Variants in ANAPC7 observed in about 807,000 individuals in gnomAD.
The protein encoded by ANAPC7 is anaphase-promoting complex subunit 7.
ANAPC7 carries 25 observed loss-of-function variants against 63.3 expected under a neutral mutation model. That is an observed-to-expected ratio of 0.39 (90% confidence interval 0.29 to 0.55). The LOEUF is 0.55. ANAPC7 is among the 20% of genes least tolerant of loss of function. The pLI, the probability that ANAPC7 is intolerant of heterozygous loss-of-function variation, is 0.57. For missense variants in ANAPC7, 516 were observed against 691.7 expected, an observed-to-expected ratio of 0.75 and a Z score of 2.85; for synonymous variants, 241 against 251.7, an observed-to-expected ratio of 0.96 and a Z score of 0.40.
Position 110,403,513 on chromosome 12 carries a change from C to A in ANAPC7, c.101+14G>T, listed in dbSNP as rs1446314677. 14 of 1,581,532 alleles carry A rather than the reference C, an allele frequency of 8.9e-6. No individual in the cohort carries two copies. The highest frequency in any genetic ancestry group is 1.1e-5 in the Non-Finnish European group (13 of 1,164,496). On this transcript the variant is annotated intron_variant, in intron 1 of 10. Coordinates refer to ENST00000455511, the MANE Select transcript of ANAPC7 (RefSeq NM_016238.3). ...TTTCTCCTCAGCCCCAGGCAGCTAC[C>A]CGCCTCAACTCACGGGTTGTTATTA...
chr12:110,394,581 A>C (rs1253845819), intron 3 of ANAPC7, among the ~76,000 whole-genome samples: 1 of 144,518 alleles, frequency 6.9e-6, no homozygotes, highest in Non-Finnish European at 1.5e-5. Context: ...GTGAGCCCCC[A>C]TGCTATTGCA....
chr12:110,393,251 T>C (rs1883256666), intron 3 of ANAPC7, among the ~76,000 whole-genome samples: 1 of 152,184 alleles, frequency 6.6e-6, no homozygotes, highest in African/African-American at 2.4e-5. Flanking sequence ...CATTACCAAA[T>C]GTGTACACCT....
In ANAPC7 at chr12:110,388,003, T is replaced by G. The variant is rs186982914; in HGVS notation, c.521-111A>C. 1.2e-4 allele frequency: 131 copies of G among 1,122,408 alleles called. No individual in the cohort carries two copies. The African/African-American group carries it at 1.7e-3, about 15-fold the overall frequency. 69.5% of individuals were successfully genotyped at this position (1,122,408 alleles called of 1,614,324 possible). A position where few individuals can be genotyped will look rare whatever the true frequency, so the allele number is the denominator to read the frequency against. ...GGCTAAAAGGCAACTGCTTCCCTAT[T>G]CTGAGCGATGCATGAGAGAAAAACC... is the stretch of plus-strand genomic sequence containing the variant. On this transcript the variant is annotated intron_variant, in intron 4 of 10. Coordinates refer to ENST00000455511, the MANE Select transcript of ANAPC7 (RefSeq NM_016238.3).
intron 8 of ANAPC7, chr12:110,377,861 A>G: frequency 7.3e-7 from 1 of 1,374,278 alleles, no homozygotes; most frequent in Non-Finnish European, 9.4e-7. Context: ...TTAGGGAAGG[A>G]AACAAGCACA....
intron 9 of ANAPC7, 64 bp from the exon 10 acceptor site, chr12:110,376,280 C>A: frequency 6.3e-7 from 1 of 1,578,858 alleles, no homozygotes; most frequent in Non-Finnish European, 8.6e-7. Flanking sequence ...ACCATTCTGA[C>A]CATCTCTTTG....
intron 5 of ANAPC7, 93 bp from the exon 6 acceptor site, chr12:110,386,562 TC>T: frequency 1.7e-6 from 2 of 1,163,408 alleles, no homozygotes; most frequent in South Asian, 1.6e-5. Context: ...GATACTATTT[TC>T]TTTTGCATAA....
intron 8 of ANAPC7, among the ~76,000 whole-genome samples, chr12:110,380,245 G>C (rs1411262350): frequency 6.6e-6 from 1 of 152,046 alleles, no homozygotes; most frequent in Non-Finnish European, 1.5e-5. Context: ...CAGCTACTCA[G>C]GAGGCTGAAG....
At chr12:110,374,489 G>A (rs1362580431) in intron 10 of ANAPC7, among the ~76,000 whole-genome samples, 156 bp from the exon 11 acceptor site, 4 of 152,154 alleles carry the variant, frequency 2.6e-5, no homozygotes, top group Non-Finnish European at 4.4e-5. Flanking sequence ...CCAAGGCTGG[G>A]TTGAGGGAGT....
chr12:110,382,461 A>AAAAAATATAT (rs1555289541), intron 7 of ANAPC7, among the ~76,000 whole-genome samples: 1 of 30,858 alleles, frequency 3.2e-5, no homozygotes, highest in African/African-American at 1.2e-4. Context: ...AAAAAAAAAA[A>AAAAAATATAT]ATATATATAT....
intron 7 of ANAPC7, among the ~76,000 whole-genome samples, chr12:110,382,461 A>T (rs28610169): frequency 0.29 from 8,287 of 28,686 alleles, 1,448 homozygotes; most frequent in African/African-American, 0.32. Flanking sequence ...AAAAAAAAAA[A>T]ATATATATAT....
chr12:110,397,581 A>G (rs754198690), intron 1 of ANAPC7, among the ~76,000 whole-genome samples: 15 of 151,416 alleles, frequency 9.9e-5, no homozygotes, highest in Non-Finnish European at 1.9e-4. Context: ...AACACTAAAA[A>G]CTAAAGAAAA....
In ANAPC7 at chr12:110,381,954, G is replaced by GGAAA; in HGVS notation, c.936-7_936-6insTTTC. 16 of 975,614 alleles carry GGAAA rather than the reference G, an allele frequency of 1.6e-5. No homozygotes were observed. Among genetic ancestry groups the GGAAA allele is most frequent in the South Asian group, 8.1e-5 (4 of 49,304 alleles). The allele number at this position is 975,614 out of a possible 1,614,324, so 60.4% of individuals were successfully genotyped here. ...TGCTATAGAAGCTGTGACAGCTGGA[G>GGAAA]AAAAAAAAAAAAAAAAAAACACAAA... is the stretch of plus-strand genomic sequence containing the variant. On this transcript the variant is annotated splice_polypyrimidine_tract_variant and splice_region_variant and intron_variant, in intron 7 of 10. Coordinates refer to ENST00000455511, the MANE Select transcript of ANAPC7 (RefSeq NM_016238.3).
intron 3 of ANAPC7, among the ~76,000 whole-genome samples, chr12:110,389,969 A>C (rs535318349): frequency 6.6e-6 from 1 of 152,294 alleles, no homozygotes; most frequent in Admixed American, 6.5e-5. Flanking sequence ...ACAAAAAAAA[A>C]GCCAGAAAAT....
intron 8 of ANAPC7, chr12:110,379,279 T>G (rs1383075462): frequency 1.3e-5 from 2 of 152,216 alleles, no homozygotes; most frequent in Non-Finnish European, 2.9e-5. Context: ...AAAAACAGAA[T>G]GCACTTGCCT....
Position 110,387,263 on chromosome 12 carries a change from G to GAGAGAGAGAGAGAGAGAGAGAC in ANAPC7, c.674+475_674+476insGTCTCTCTCTCTCTCTCTCTCT, listed in dbSNP as rs1882576087. ...ACAGAGAGACAGAGAGACAGAGAGA[G>GAGAGAGAGAGAGAGAGAGAGAC]AGAGAGAGAGAGAGAGAGAGAGACA... On this transcript the variant is annotated intron_variant, in intron 5 of 10. Coordinates refer to ENST00000455511, the MANE Select transcript of ANAPC7 (RefSeq NM_016238.3). The GAGAGAGAGAGAGAGAGAGAGAC allele has an allele frequency of 1.7e-5, 2 of 116,492 alleles. 1 individual carries two copies. The highest frequency in any genetic ancestry group is 3.7e-5 in the Non-Finnish European group (2 of 54,392). 7.2% of individuals were successfully genotyped at this position (116,492 alleles called of 1,614,324 possible).
At chr12:110,382,451 A>ATATATATATATAT (rs1470435018) in intron 7 of ANAPC7, among the ~76,000 whole-genome samples, 2 of 69,578 alleles carry the variant, frequency 2.9e-5, no homozygotes, top group Non-Finnish European at 6.0e-5. Flanking sequence ...TAAAAAAAAA[A>ATATATATATATAT]AAAAAAAAAA....
rs373288136 is a variant in ANAPC7 at position 110,389,318 on chromosome 12, A to G, written c.409-695T>C. ...GAAGATGAACTATCTCACATAAGAA[A>G]GTGAGAAACTCTTGACATAGCTAGT... On this transcript the variant is annotated intron_variant, in intron 3 of 10. Transcript: ENST00000455511. Among the ~76,000 whole-genome samples the G allele has an allele frequency of 5.7e-4, 87 of 152,298 alleles. No homozygotes were observed. In the South Asian group the frequency reaches 0.016, roughly 29 times the overall value.
Position 110,374,016 on chromosome 12 carries a change from G to A in ANAPC7, c.*128C>T. The A allele has an allele frequency of 9.2e-6, 10 of 1,088,676 alleles. No homozygotes were observed. The highest frequency in any genetic ancestry group is 1.3e-5 in the Non-Finnish European group (10 of 781,566). 67.4% of individuals were successfully genotyped at this position (1,088,676 alleles called of 1,614,324 possible). A position where few individuals can be genotyped will look rare whatever the true frequency, so the allele number is the denominator to read the frequency against. ...CACGACTAGGAATTGGGAGCGAGGG[G>A]GCAGAGACCCCTGCTGCAATCACAT... On this transcript the variant is annotated 3_prime_UTR_variant, in exon 11 of 11. Coordinates refer to ENST00000455511, the MANE Select transcript of ANAPC7 (RefSeq NM_016238.3).
At chr12:110,388,485 A>G (rs747882093) in intron 4 of ANAPC7, 27 bp downstream of exon 4, 60 of 1,553,042 alleles carry the variant, frequency 3.9e-5, no homozygotes, top group South Asian at 3.7e-4. Flanking sequence ...TAAACATGCC[A>G]TGAAAACAGG....
Sources: gnomAD v4.1 joint callset for allele counts (sites outside exome capture counted in the v4.1 genomes callset) on GRCh38, gnomAD v4.1.1 for gene constraint, MANE v1.5 for transcripts, NCBI Gene and HGNC (gene_info 2026-07-23, HGNC 2026-07-21) for gene names.